The following IQCB1 variants were observed in gnomAD, a reference collection of about 807,000 sequenced individuals.
IQCB1 encodes the protein IQ calmodulin-binding motif-containing protein 1.
IQCB1 carries 56 observed loss-of-function variants against 84.4 expected under a neutral mutation model. The observed-to-expected ratio is 0.66, with a 90% CI of 0.54 to 0.83. IQCB1 has a LOEUF of 0.83. IQCB1 is among the 40% of genes least tolerant of loss of function. The pLI is 0.00. For synonymous variants in IQCB1, 210 were observed against 234.8 expected (o/e 0.89, Z 0.96); for missense variants, 629 against 682.1 (o/e 0.92, Z 0.87).
At chr3:121,791,892 A>G (rs1233524816) in intron 10 of IQCB1, among the ~76,000 whole-genome samples, 1 of 152,062 alleles carries the variant, frequency 6.6e-6, no homozygotes, top group East Asian at 1.9e-4. Flanking sequence ...GGAGTTTGAG[A>G]CCAGCCTGGC....
At chr3:121,820,351 A>T (rs1950229530) in intron 5 of IQCB1, among the ~76,000 whole-genome samples, 1 of 152,164 alleles carries the variant, frequency 6.6e-6, no homozygotes, top group African/African-American at 2.4e-5. Flanking sequence ...TTCTTCATCC[A>T]TCTAGCATAT....
intron 13 of IQCB1, among the ~76,000 whole-genome samples, chr3:121,778,970 G>A (rs899776980): frequency 6.0e-5 from 9 of 150,776 alleles, no homozygotes; most frequent in East Asian, 1.9e-4. Flanking sequence ...TTGTCTTTAC[G>A]TAACATTTAA....
At chr3:121,827,607 A>G (rs1359447071) in intron 4 of IQCB1, among the ~76,000 whole-genome samples, 13 of 152,136 alleles carry the variant, frequency 8.5e-5, no homozygotes, top group Admixed American at 8.5e-4. Flanking sequence ...AATCTTGAAA[A>G]TTAAAGTATG....
At chr3:121,771,793 T>C (rs914242841) in intron 14 of IQCB1, among the ~76,000 whole-genome samples, 4 of 152,202 alleles carry the variant, frequency 2.6e-5, no homozygotes, top group African/African-American at 7.2e-5. Context: ...AAATCCAAGA[T>C]GCTGACTGAA....
intron 5 of IQCB1, among the ~76,000 whole-genome samples, chr3:121,817,430 A>G (rs1397736035): frequency 2.6e-5 from 4 of 152,034 alleles, no homozygotes; most frequent in Non-Finnish European, 4.4e-5. Flanking sequence ...TATAATAAAA[A>G]AAAAAGAAAA....
At chr3:121,793,993 G>A (rs1949088349) in intron 10 of IQCB1, among the ~76,000 whole-genome samples, 1 of 152,020 alleles carries the variant, frequency 6.6e-6, no homozygotes, top group Admixed American at 6.6e-5. Flanking sequence ...GATAGCAGGT[G>A]GAATCCATAA....
chr3:121,818,159 T>A (rs1030475146), intron 5 of IQCB1, among the ~76,000 whole-genome samples: 6 of 152,222 alleles, frequency 3.9e-5, no homozygotes, highest in Non-Finnish European at 7.3e-5. Context: ...TCTGATATAG[T>A]AGTAGGCCCA....
At chr3:121,793,343 T>A (rs1036785713) in intron 10 of IQCB1, among the ~76,000 whole-genome samples, 2 of 152,124 alleles carry the variant, frequency 1.3e-5, no homozygotes, top group African/African-American at 4.8e-5. Flanking sequence ...AGGGCGTGAC[T>A]ATAAAAGAAT....
intron 5 of IQCB1, among the ~76,000 whole-genome samples, chr3:121,815,528 C>T (rs1485487025): frequency 1.3e-5 from 2 of 152,154 alleles, no homozygotes; most frequent in Admixed American, 1.3e-4. Flanking sequence ...AGCCCAAAAC[C>T]TCCTTAAGCT....
chr3:121,773,835 A>G (rs1948108929), intron 13 of IQCB1, among the ~76,000 whole-genome samples: 1 of 151,992 alleles, frequency 6.6e-6, no homozygotes, highest in South Asian at 2.1e-4. Context: ...GCATCATGAC[A>G]TTGGTTTTGG....
Position 121,811,811 on chromosome 3 carries a change from C to T in IQCB1, c.394-2802G>A, listed in dbSNP as rs908843259. On this transcript the variant is annotated intron_variant, in intron 5 of 14. Coordinates refer to ENST00000310864, the MANE Select transcript of IQCB1 (RefSeq NM_001023570.4). ...TAAAACTCCCATCTCCCTGGGACAGCGCACCTGGGGACAGGGGAGACTGTG... is the reference window on the plus strand; with the variant it reads ...TAAAACTCCCATCTCCCTGGGACAGTGCACCTGGGGACAGGGGAGACTGTG... Among the ~76,000 whole-genome samples, 13 of 152,330 alleles carry T rather than the reference C, an allele frequency of 8.5e-5. No individual in the cohort carries two copies. The East Asian group carries it at 9.6e-4, about 11-fold the overall frequency.
At chr3:121,792,073 G>A (rs1463724282) in intron 10 of IQCB1, among the ~76,000 whole-genome samples, 1 of 151,984 alleles carries the variant, frequency 6.6e-6, no homozygotes, top group Non-Finnish European at 1.5e-5. Context: ...GTGACAGAGT[G>A]AGACTCCGCC....
chr3:121,782,531 ATT>A (rs1202097538), intron 12 of IQCB1, among the ~76,000 whole-genome samples: 3 of 152,010 alleles, frequency 2.0e-5, no homozygotes, highest in African/African-American at 7.3e-5. Context: ...TGTGTGTGTG[ATT>A]TTGTTTTTGT....
chr3:121,803,977 CT>C (rs1949511542), intron 7 of IQCB1, among the ~76,000 whole-genome samples: 1 of 151,698 alleles, frequency 6.6e-6, no homozygotes, highest in Admixed American at 6.6e-5. Flanking sequence ...GGTTTTGTTT[CT>C]CCTTTGTTCT....
chr3:121,800,893 T>C (rs1949383846), intron 7 of IQCB1, among the ~76,000 whole-genome samples: 1 of 151,972 alleles, frequency 6.6e-6, no homozygotes, highest in African/African-American at 2.4e-5. Flanking sequence ...TTCACTATAC[T>C]ATCCTTGATA....
At chr3:121,773,440 C>T (rs1419310783) in intron 13 of IQCB1, among the ~76,000 whole-genome samples, 1 of 151,484 alleles carries the variant, frequency 6.6e-6, no homozygotes, top group African/African-American at 2.4e-5. Flanking sequence ...TATGTTGTAA[C>T]TGCTTCTGGA....
At chr3:121,773,369 A>G (rs779772614) in intron 13 of IQCB1, among the ~76,000 whole-genome samples, 1 of 151,034 alleles carries the variant, frequency 6.6e-6, no homozygotes, top group African/African-American at 2.4e-5. Flanking sequence ...AACAACGCCA[A>G]TCCCTTTGTT....
chr3:121,800,018 T>C (rs141457155), intron 7 of IQCB1, among the ~76,000 whole-genome samples: 10 of 151,984 alleles, frequency 6.6e-5, no homozygotes, highest in Admixed American at 5.3e-4. Flanking sequence ...TAAAATACTT[T>C]ACAATTCTGT....
At chr3:121,782,315 T>C (rs1256959384) in intron 12 of IQCB1, among the ~76,000 whole-genome samples, 1 of 152,252 alleles carries the variant, frequency 6.6e-6, no homozygotes, top group Non-Finnish European at 1.5e-5. Flanking sequence ...GAATGGACTC[T>C]GGTAAAAAGA....
Sources: allele counts gnomAD v4.1 joint callset (sites outside exome capture counted in the v4.1 genomes callset), GRCh38; gene constraint gnomAD v4.1.1; transcripts MANE v1.5; gene names NCBI Gene and HGNC (gene_info 2026-07-23, HGNC 2026-07-21).